The following MIR2052HG variants were observed in gnomAD, a reference collection of about 807,000 sequenced individuals.
MIR2052HG encodes the protein MIR2052 host gene.
At chr8:74,746,341 A>C (rs1809885079) in intron 4 of MIR2052HG, among the ~76,000 whole-genome samples, 1 of 152,192 alleles carries the variant, frequency 6.6e-6, no homozygotes, top group South Asian at 2.1e-4. Flanking sequence ...AGTTCGACTT[A>C]ATGCAACTAC....
At chr8:74,608,272 TA>T (rs1287929544) in intron 1 of MIR2052HG, among the ~76,000 whole-genome samples, 1 of 152,164 alleles carries the variant, frequency 6.6e-6, no homozygotes, top group East Asian at 1.9e-4. Context: ...TAAAAGGTTA[TA>T]ATTGCATTTC....
At chr8:74,620,449 C>T (rs1392592541) in intron 2 of MIR2052HG, among the ~76,000 whole-genome samples, 1 of 152,240 alleles carries the variant, frequency 6.6e-6, no homozygotes, top group Non-Finnish European at 1.5e-5. Flanking sequence ...TCTGCCCCTG[C>T]AGGAAACTTC....
intron 2 of MIR2052HG, among the ~76,000 whole-genome samples, chr8:74,671,580 A>G (rs1161839400): frequency 6.6e-6 from 1 of 152,142 alleles, no homozygotes; most frequent in Non-Finnish European, 1.5e-5. Context: ...TAAAAATGTT[A>G]TTAACATTCA....
intron 4 of MIR2052HG, among the ~76,000 whole-genome samples, chr8:74,707,882 C>A (rs1480565784): frequency 6.6e-6 from 1 of 152,118 alleles, no homozygotes; most frequent in African/African-American, 2.4e-5. Context: ...TCCACGTAGT[C>A]TTTACAAAGG....
chr8:74,718,896 T>TG (rs887768052), intron 4 of MIR2052HG, among the ~76,000 whole-genome samples: 3 of 152,160 alleles, frequency 2.0e-5, no homozygotes, highest in Non-Finnish European at 4.4e-5. Flanking sequence ...ACCATCACTC[T>TG]GGGGGTCTGA....
chr8:74,712,079 C>G (rs1472809957), intron 4 of MIR2052HG, among the ~76,000 whole-genome samples: 1 of 152,170 alleles, frequency 6.6e-6, no homozygotes, highest in African/African-American at 2.4e-5. Flanking sequence ...ATTCAGAGCT[C>G]ACATCTATCT....
chr8:74,674,451 AG>A (rs1351256706), intron 2 of MIR2052HG, among the ~76,000 whole-genome samples: 12 of 152,114 alleles, frequency 7.9e-5, no homozygotes, highest in African/African-American at 2.9e-4. Flanking sequence ...GCAAAAAAAT[AG>A]GGAGAGGAAT....
At chr8:74,635,011 A>G (rs1218711369) in intron 2 of MIR2052HG, among the ~76,000 whole-genome samples, 1 of 152,206 alleles carries the variant, frequency 6.6e-6, no homozygotes, top group African/African-American at 2.4e-5. Flanking sequence ...TAATTCCATG[A>G]AGAACAAGGT....
intron 4 of MIR2052HG, among the ~76,000 whole-genome samples, chr8:74,749,765 C>T (rs1266512883): frequency 2.7e-5 from 4 of 147,992 alleles, no homozygotes; most frequent in African/African-American, 1.0e-4. Context: ...AGGAGAATCA[C>T]TTGAACCTGG....
chr8:74,685,346 A>G (rs1809169422), intron 2 of MIR2052HG, among the ~76,000 whole-genome samples: 1 of 152,094 alleles, frequency 6.6e-6, no homozygotes, highest in Non-Finnish European at 1.5e-5. Flanking sequence ...TGAGAAAACC[A>G]TTTGCCACAC....
intron 2 of MIR2052HG, among the ~76,000 whole-genome samples, chr8:74,679,726 G>A (rs1196726916): frequency 6.6e-6 from 1 of 151,730 alleles, no homozygotes; most frequent in African/African-American, 2.4e-5. Context: ...TGTTTTAGTA[G>A]AGATGGGGTT....
chr8:74,693,532 T>C (rs1809261297), intron 2 of MIR2052HG, among the ~76,000 whole-genome samples: 1 of 141,596 alleles, frequency 7.1e-6, no homozygotes, highest in South Asian at 2.2e-4. Context: ...TGGGGAGGCT[T>C]AGAGCCTAGG....
intron 5 of MIR2052HG, among the ~76,000 whole-genome samples, chr8:74,755,565 G>A (rs561952835): frequency 1.1e-4 from 16 of 152,300 alleles, no homozygotes; most frequent in African/African-American, 3.8e-4. Context: ...AGTTAATGAA[G>A]TTACAAAATG....
At chr8:74,705,143 T>C (rs1434145280) in intron 4 of MIR2052HG, among the ~76,000 whole-genome samples, 1 of 151,998 alleles carries the variant, frequency 6.6e-6, no homozygotes, top group East Asian at 1.9e-4. Flanking sequence ...CTACTGTTAA[T>C]GTCTGTCTCA....
At chr8:74,650,934 A>G (rs1013669247) in intron 2 of MIR2052HG, among the ~76,000 whole-genome samples, 24 of 152,138 alleles carry the variant, frequency 1.6e-4, no homozygotes, top group African/African-American at 5.8e-4. Flanking sequence ...TGTTGGTTTC[A>G]GTTTGATAAT....
intron 4 of MIR2052HG, among the ~76,000 whole-genome samples, chr8:74,726,234 A>G (rs931036095): frequency 4.6e-5 from 7 of 152,182 alleles, no homozygotes; most frequent in South Asian, 2.1e-4. Context: ...TACTCAGTGT[A>G]TAAAACCATG....
At chr8:74,626,827 C>G (rs1808443469) in intron 2 of MIR2052HG, among the ~76,000 whole-genome samples, 1 of 152,208 alleles carries the variant, frequency 6.6e-6, no homozygotes. Context: ...GTTGTCTACA[C>G]TGCAGCCAGA....
At chr8:74,608,302 A>G (rs1808142514) in intron 1 of MIR2052HG, among the ~76,000 whole-genome samples, 1 of 152,168 alleles carries the variant, frequency 6.6e-6, no homozygotes, top group Non-Finnish European at 1.5e-5. Flanking sequence ...TAAATAGGAA[A>G]TAGGGAATGG....
intron 2 of MIR2052HG, among the ~76,000 whole-genome samples, chr8:74,623,676 G>A (rs16938927): frequency 0.036 from 5,478 of 152,172 alleles, 320 homozygotes; most frequent in African/African-American, 0.12. Flanking sequence ...CTCTGAACAC[G>A]CTAAGTAACC....
Sources: gnomAD v4.1 joint callset for allele counts (sites outside exome capture counted in the v4.1 genomes callset) on GRCh38, gnomAD v4.1.1 for gene constraint, MANE v1.5 for transcripts, NCBI Gene and HGNC (gene_info 2026-07-23, HGNC 2026-07-21) for gene names.